Variants in TRAP1 observed in about 807,000 individuals in gnomAD.
TRAP1 encodes the protein heat shock protein 75 kDa, mitochondrial.
In TRAP1, 102 loss-of-function variants were observed where a neutral mutation model predicts 89.1. The observed-to-expected ratio is 1.15, with a 90% CI of 0.98 to 1.35. The LOEUF is 1.35. TRAP1 is among the 40% of genes most tolerant of loss of function. The pLI is 0.00. For synonymous variants in TRAP1, 508 were observed against 388.0 expected, an observed-to-expected ratio of 1.31 and a Z score of -3.64; for missense variants, 1,256 against 945.3, an observed-to-expected ratio of 1.33 and a Z score of -4.31.
At chr16:3,713,642 C>T (rs1234795643) in intron 1 of TRAP1, among the ~76,000 whole-genome samples, 1 of 152,232 alleles carries the variant, frequency 6.6e-6, no homozygotes, top group Non-Finnish European at 1.5e-5. Flanking sequence ...ACTCGGCACC[C>T]TTGGTGATTG....
At chr16:3,668,680 G>C (rs781191453) in intron 11 of TRAP1, among the ~76,000 whole-genome samples, 3 of 152,182 alleles carry the variant, frequency 2.0e-5, no homozygotes, top group Non-Finnish European at 4.4e-5. Context: ...GCTGGGATGA[G>C]GACCCCTGCT....
At chr16:3,708,034 T>G (rs2051474714) in intron 1 of TRAP1, among the ~76,000 whole-genome samples, 1 of 151,902 alleles carries the variant, frequency 6.6e-6, no homozygotes, top group African/African-American at 2.4e-5. Context: ...AAAATGTTTT[T>G]TAATTAGCCA....
chr16:3,680,175 C>A, intron 4 of TRAP1: 1 of 189,422 alleles, frequency 5.3e-6, no homozygotes, highest in Non-Finnish European at 1.1e-5. Flanking sequence ...GCAGAGACTG[C>A]AGTGAACTGA....
rs757699035 is a variant in TRAP1 at position 3,662,656 on chromosome 16, A to G, written c.1794+226T>C. On this transcript the variant is annotated intron_variant, in intron 15 of 17. Coordinates refer to ENST00000246957, the MANE Select transcript of TRAP1 (RefSeq NM_016292.3). ...ATGCTGGTTTTTCAGTTCTCAGTTC[A>G]CACCTGCTCTGGAGCAGGGCTGGGA... The G allele has an allele frequency of 1.2e-5, 8 of 684,794 alleles. No homozygotes were observed. The South Asian group carries it at 1.2e-4, about 10-fold the overall frequency. 42.4% of individuals were successfully genotyped at this position (684,794 alleles called of 1,614,324 possible).
At chr16:3,664,621 CT>C in intron 12 of TRAP1, 162 bp from the exon 13 acceptor site, 4 of 722,970 alleles carry the variant, frequency 5.5e-6, no homozygotes, top group Non-Finnish European at 8.7e-6. Context: ...GAGAGCAGGC[CT>C]TGCTCTGCCC....
intron 4 of TRAP1, among the ~76,000 whole-genome samples, chr16:3,685,788 A>C (rs1433714819): frequency 6.6e-6 from 1 of 152,208 alleles, no homozygotes; most frequent in African/African-American, 2.4e-5. Flanking sequence ...TGATGGGGTG[A>C]TTTCAAATTT....
intron 2 of TRAP1, chr16:3,689,570 C>T (rs1405476099): frequency 6.4e-6 from 1 of 155,134 alleles, no homozygotes; most frequent in Non-Finnish European, 1.4e-5. Context: ...GGCACCATGG[C>T]TCATGCCTGT....
At chr16:3,681,704 T>C (rs138711104) in intron 4 of TRAP1, among the ~76,000 whole-genome samples, 273 of 152,332 alleles carry the variant, frequency 1.8e-3, no homozygotes, top group African/African-American at 6.2e-3. Context: ...GAAACTTAAA[T>C]AGAGTCCTTA....
At chr16:3,670,411 A>AAAAAAAAAAAAAC (rs2050897453) in intron 11 of TRAP1, among the ~76,000 whole-genome samples, 2 of 144,328 alleles carry the variant, frequency 1.4e-5, no homozygotes, top group African/African-American at 2.6e-5. Context: ...AAAAAAAAAA[A>AAAAAAAAAAAAAC]TCTAAGTGGC....
rs1306577144 is a variant in TRAP1 at position 3,664,398 on chromosome 16, C to G, written c.1445G>C (p.Ser482Thr). 1.1e-5 allele frequency: 17 copies of G among 1,612,292 alleles called. No individual in the cohort carries two copies. The highest frequency in any genetic ancestry group is 1.4e-5 in the Non-Finnish European group (16 of 1,179,420). The change falls in exon 13 of 18, where the codon AGC becomes ACC. Residue 482 changes from serine to threonine, a missense_variant. Transcript: ENST00000246957. ...SSALPSGQLTSLSEYASRMRA... is the reference protein window; with the variant it reads ...SSALPSGQLTTLSEYASRMRA... ...CATGCGGCTGGCGTATTCTGAGAGG[C>G]TGGTTAGCTGCCCGGAGGGCAGCGC... is the stretch of plus-strand genomic sequence containing the variant.
rs868380662 is a variant in TRAP1 at position 3,711,185 on chromosome 16, C to T, written c.88+6236G>A. On this transcript the variant is annotated intron_variant, in intron 1 of 17. Coordinates refer to ENST00000246957, the MANE Select transcript of TRAP1 (RefSeq NM_016292.3). Reference sequence around the variant, plus strand: ...GCTACCAGGCCTGGCCAATTTTTTACCTTCTAGCCACATTTCTTAATTATA... The same window carrying T: ...GCTACCAGGCCTGGCCAATTTTTTATCTTCTAGCCACATTTCTTAATTATA... Among the ~76,000 whole-genome samples, 3 of 152,066 alleles carry T rather than the reference C, an allele frequency of 2.0e-5. No individual in the cohort carries two copies. The East Asian group carries it at 5.8e-4, about 29-fold the overall frequency.
chr16:3,698,423 G>A (rs572457259), intron 1 of TRAP1, among the ~76,000 whole-genome samples: 1 of 151,104 alleles, frequency 6.6e-6, no homozygotes, highest in African/African-American at 2.4e-5. Context: ...CCATTCTCCT[G>A]CCTCAGCCTC....
intron 1 of TRAP1, among the ~76,000 whole-genome samples, chr16:3,707,166 A>T (rs2051458567): frequency 6.6e-6 from 1 of 151,988 alleles, no homozygotes; most frequent in Non-Finnish European, 1.5e-5. Context: ...TTTTAAAAAA[A>T]ATGATTTAAG....
intron 16 of TRAP1, 151 bp from the exon 17 acceptor site, chr16:3,659,016 A>ACCT (rs1266383141): frequency 1.4e-5 from 10 of 732,590 alleles, no homozygotes; most frequent in Non-Finnish European, 2.2e-5. Context: ...TTTATAGATA[A>ACCT]TATCATTATA....
At position 3,679,770 on chromosome 16, in the gene TRAP1, T is replaced by G. The variant is rs2051050487; in HGVS notation, c.492A>C (p.Thr164=). The G allele has an allele frequency of 6.2e-7, 1 of 1,613,988 alleles. No individual in the cohort carries two copies. Among genetic ancestry groups the G allele is most frequent in the African/African-American group, 1.3e-5 (1 of 74,940 alleles). The change falls in exon 5 of 18, where the codon ACA becomes ACC. Residue 164 remains threonine, a synonymous_variant. Transcript: ENST00000246957. ...ITIQDTGIGM[T]QEELVSNLGT... ...CCAGGTTGGACACCAGCTCTTCCTG[T>G]GTCATCCCGATACCAGTATCCTGAG...
intron 11 of TRAP1, among the ~76,000 whole-genome samples, chr16:3,666,521 C>CT (rs550891628): frequency 1.9e-3 from 293 of 150,694 alleles, no homozygotes; most frequent in Non-Finnish European, 2.6e-3. Flanking sequence ...ACCTCATGTT[C>CT]AAGAATATAG....
rs377222539 is a variant in TRAP1 at position 3,689,133 on chromosome 16, G to A, written c.252C>T (p.Ser84=). The A allele has an allele frequency of 6.2e-7, 1 of 1,613,186 alleles. No individual in the cohort carries two copies. The highest frequency in any genetic ancestry group is 1.1e-5 in the South Asian group (1 of 90,942). The part of the protein sequence containing the change: ...IISSTESVQG[S]TSKHEFQAET... ...CGGCCTGGAACTCATGTTTGGAAGT[G>A]GAACCTAGTAATGAAACACAGACAC... Residue 84 remains serine (S), a synonymous_variant, in exon 3 of 18, where the codon TCC becomes TCT. Transcript: ENST00000246957.
rs547056176 is a variant in TRAP1 at position 3,707,492 on chromosome 16, G to A, written c.88+9929C>T. 9.4e-4 allele frequency among the ~76,000 whole-genome samples: 142 copies of A among 151,440 alleles called. 2 individuals are homozygous for A. The highest frequency in any genetic ancestry group is 1.9e-3 in the Non-Finnish European group (129 of 67,874). ...GAGCCACCGCGCCCGGCCTTAAGAG[G>A]AAATGTTTCTAAACAAAATATATAA... On this transcript the variant is annotated intron_variant, in intron 1 of 17. Coordinates refer to ENST00000246957, the MANE Select transcript of TRAP1 (RefSeq NM_016292.3).
chr16:3,709,736 C>T (rs111860381), intron 1 of TRAP1, among the ~76,000 whole-genome samples: 2 of 152,140 alleles, frequency 1.3e-5, no homozygotes, highest in African/African-American at 2.4e-5. Flanking sequence ...CCACAACCTC[C>T]ACCTCCCAGA....
Sources: gnomAD v4.1 joint callset for allele counts (sites outside exome capture counted in the v4.1 genomes callset) on GRCh38, gnomAD v4.1.1 for gene constraint, MANE v1.5 for transcripts, NCBI Gene and HGNC (gene_info 2026-07-23, HGNC 2026-07-21) for gene names.